The following PSD3 variants were observed in gnomAD, a reference collection of about 807,000 sequenced individuals.
The protein encoded by PSD3 is PH and SEC7 domain-containing protein 3.
In PSD3, 49 loss-of-function variants were observed where a neutral mutation model predicts 105.5. The observed-to-expected ratio is 0.46, with a 90% confidence interval of 0.37 to 0.59. PSD3 has a LOEUF of 0.59. PSD3 is among the 20% of genes least tolerant of loss of function. The pLI is 0.00. For synonymous variants in PSD3, 557 were observed against 457.8 expected (o/e 1.22, Z -2.77); for missense variants, 1,561 against 1,263.8 (o/e 1.24, Z -3.57).
At chr8:18,899,959 T>C (rs759256137) in intron 2 of PSD3, among the ~76,000 whole-genome samples, 1 of 152,078 alleles carries the variant, frequency 6.6e-6, no homozygotes, top group Non-Finnish European at 1.5e-5. Flanking sequence ...TCCTTACTAA[T>C]AAATGTCCTT....
At chr8:18,540,501 C>T (rs2129961516) in intron 15 of PSD3, among the ~76,000 whole-genome samples, 1 of 152,262 alleles carries the variant, frequency 6.6e-6, no homozygotes, top group East Asian at 1.9e-4. Flanking sequence ...GGAAATTTGA[C>T]AATAAAAGCT....
In PSD3 at chr8:18,529,255, T is replaced by C. The variant is rs902154291; in HGVS notation, c.*6488A>G. On this transcript the variant is annotated 3_prime_UTR_variant, in exon 16 of 16. Coordinates refer to ENST00000327040, the MANE Select transcript of PSD3 (RefSeq NM_015310.4). ...CCTCATTTATGTGTTAAAAATATAA[T>C]GCATCTCAAAGTCAGACACTAGAGC... is the stretch of plus-strand genomic sequence containing the variant. The C allele has an allele frequency of 1.3e-5, 2 of 152,186 alleles. No homozygotes were observed. Among genetic ancestry groups the C allele is most frequent in the African/African-American group, 2.4e-5 (1 of 41,456 alleles). 9.4% of individuals were successfully genotyped at this position (152,186 alleles called of 1,614,324 possible).
chr8:18,740,663 T>C (rs187594655), intron 9 of PSD3, among the ~76,000 whole-genome samples: 6 of 152,350 alleles, frequency 3.9e-5, no homozygotes, highest in Non-Finnish European at 7.3e-5. Flanking sequence ...TCTAATAACC[T>C]GCTCATATTC....
chr8:18,998,741 C>G (rs1826216160), intron 1 of PSD3, among the ~76,000 whole-genome samples: 1 of 151,838 alleles, frequency 6.6e-6, no homozygotes, highest in Admixed American at 6.6e-5. Flanking sequence ...TTTCTGCAAG[C>G]AGGTGAATGT....
At position 18,563,170 on chromosome 8, in the gene PSD3, A is replaced by G. The variant is rs1801506666; in HGVS notation, c.2785-6818T>C. ...CCAGTAAAGTGTTGAGCAGAGAGAT[A>G]GTATGTGGCAGCTTTTGGTTTATAG... On this transcript the variant is annotated intron_variant, in intron 14 of 15. Coordinates refer to ENST00000327040, the MANE Select transcript of PSD3 (RefSeq NM_015310.4). Among the ~76,000 whole-genome samples the G allele has an allele frequency of 7.9e-5, 12 of 152,184 alleles. 1 individual carries two copies. Among genetic ancestry groups the G allele is most frequent in the Admixed American group, 7.9e-4 (12 of 15,280 alleles).
chr8:18,752,649 A>C (rs1424778891), intron 9 of PSD3, among the ~76,000 whole-genome samples: 3 of 103,346 alleles, frequency 2.9e-5, no homozygotes, highest in African/African-American at 1.1e-4. Flanking sequence ...TATAATATAT[A>C]TAATATATTA....
upstream of PSD3, among the ~76,000 whole-genome samples, chr8:19,018,314 A>G (rs1297453192): frequency 6.6e-6 from 1 of 152,084 alleles, no homozygotes; most frequent in African/African-American, 2.4e-5. Flanking sequence ...TAGGATTTCA[A>G]GGCATTTCAT....
chr8:18,543,267 C>G (rs1298582794), intron 15 of PSD3, among the ~76,000 whole-genome samples: 1 of 151,964 alleles, frequency 6.6e-6, no homozygotes, highest in Non-Finnish European at 1.5e-5. Context: ...CTCCTTATTA[C>G]ATTTTTTTGC....
At chr8:18,771,244 G>A (rs1030729386) in intron 8 of PSD3, among the ~76,000 whole-genome samples, 1 of 152,146 alleles carries the variant, frequency 6.6e-6, no homozygotes, top group Non-Finnish European at 1.5e-5. Context: ...CTCACTTTGG[G>A]CCACCGCATC....
chr8:18,800,611 T>C (rs1474617959), intron 7 of PSD3, among the ~76,000 whole-genome samples: 2 of 152,192 alleles, frequency 1.3e-5, no homozygotes, highest in African/African-American at 4.8e-5. Flanking sequence ...GGAGGAAAGA[T>C]CTCTCTTCAC....
intron 1 of PSD3, among the ~76,000 whole-genome samples, chr8:19,047,572 G>C (rs1037086468): frequency 6.6e-6 from 1 of 152,064 alleles, no homozygotes; most frequent in African/African-American, 2.4e-5. Context: ...TTGAGTTTTG[G>C]GGGAGGGAAA....
intron 2 of PSD3, chr8:18,924,768 A>G (rs1236640998): frequency 6.6e-6 from 1 of 152,214 alleles, no homozygotes; most frequent in African/African-American, 2.4e-5. Flanking sequence ...CACCCAACAC[A>G]TTCTATCTGT....
chr8:19,010,840 A>G (rs57656539), intron 1 of PSD3, among the ~76,000 whole-genome samples: 2,770 of 152,104 alleles, frequency 0.018, 89 homozygotes, highest in African/African-American at 0.063. Context: ...CTGAGAGGCA[A>G]TATTCAAAGT....
rs562936534 is a variant in PSD3 at position 18,808,248 on chromosome 8, C to T, written c.1635-3350G>A. On this transcript the variant is annotated intron_variant, in intron 4 of 15. Coordinates refer to ENST00000327040, the MANE Select transcript of PSD3 (RefSeq NM_015310.4). The stretch of plus-strand genomic sequence containing the variant: ...CTTTTCCTATCATGTAGTAAAAACA[C>T]ATGTCAAAGAAAGGATTTTCTTCTT... 4.6e-3 allele frequency among the ~76,000 whole-genome samples: 694 copies of T among 152,282 alleles called. 4 individuals carry two copies. Among genetic ancestry groups the T allele is most frequent in the Non-Finnish European group, 7.5e-3 (513 of 68,028 alleles).
At chr8:18,801,760 G>A (rs1024415924) in intron 6 of PSD3, among the ~76,000 whole-genome samples, 6 of 152,032 alleles carry the variant, frequency 3.9e-5, no homozygotes, top group African/African-American at 1.2e-4. Flanking sequence ...CCCAGGAGGC[G>A]GAGGTTGCAG....
At chr8:19,052,628 A>C (rs928001375) in intron 1 of PSD3, among the ~76,000 whole-genome samples, 3 of 152,194 alleles carry the variant, frequency 2.0e-5, no homozygotes, top group Non-Finnish European at 4.4e-5. Context: ...AATGGGGTGG[A>C]GGCTTCATTG....
At chr8:18,914,652 C>G (rs752382254) in intron 2 of PSD3, among the ~76,000 whole-genome samples, 1 of 152,076 alleles carries the variant, frequency 6.6e-6, no homozygotes, top group Non-Finnish European at 1.5e-5. Flanking sequence ...ATAAATCTGA[C>G]CAAGAGAGTG....
At chr8:18,862,658 T>A (rs969415137) in intron 4 of PSD3, among the ~76,000 whole-genome samples, 6 of 151,710 alleles carry the variant, frequency 4.0e-5, no homozygotes, top group Non-Finnish European at 8.8e-5. Flanking sequence ...AATGTCACAT[T>A]ATTTTAAATT....
chr8:18,567,333 C>T (rs1801849094), intron 14 of PSD3, among the ~76,000 whole-genome samples: 1 of 151,774 alleles, frequency 6.6e-6, no homozygotes, highest in South Asian at 2.1e-4. Context: ...TGTGATTTAC[C>T]TTTTATGCGA....
Sources: gnomAD v4.1 joint callset for allele counts (sites outside exome capture counted in the v4.1 genomes callset) on GRCh38, gnomAD v4.1.1 for gene constraint, MANE v1.5 for transcripts, NCBI Gene and HGNC (gene_info 2026-07-23, HGNC 2026-07-21) for gene names.